The following MBD5 variants were observed in gnomAD, a reference collection of about 807,000 sequenced individuals.
The protein encoded by MBD5 is methyl-CpG-binding domain protein 5.
Under a neutral mutation model 117.3 loss-of-function variants are expected in MBD5, and 13 were observed. The ratio of observed to expected loss-of-function variants is 0.11; its 90% CI spans 0.07 to 0.18. MBD5 has a LOEUF of 0.18. Ranked by LOEUF, MBD5 falls within the 10% of genes least tolerant of loss-of-function variation. The pLI is 1.00. For missense variants in MBD5, 1,879 were observed against 2,093.8 expected (o/e 0.90, Z 2.00); for synonymous variants, 727 against 766.4 (o/e 0.95, Z 0.85).
At chr2:148,096,581 T>C (rs1696074850) in intron 1 of MBD5, among the ~76,000 whole-genome samples, 2 of 152,308 alleles carry the variant, frequency 1.3e-5, no homozygotes, top group South Asian at 2.1e-4. Flanking sequence ...CATTGTGCTT[T>C]CCTTGGCTCT....
At chr2:148,268,450 A>G (rs1020971166) in intron 3 of MBD5, among the ~76,000 whole-genome samples, 2 of 151,200 alleles carry the variant, frequency 1.3e-5, no homozygotes, top group African/African-American at 4.9e-5. Flanking sequence ...TTTTATTTTT[A>G]TTGTATACTT....
chr2:148,392,349 A>G (rs777336509), intron 4 of MBD5, among the ~76,000 whole-genome samples: 1 of 152,148 alleles, frequency 6.6e-6, no homozygotes, highest in African/African-American at 2.4e-5. Flanking sequence ...GTGTTTTTCA[A>G]TTTGTTGTGT....
Position 148,469,255 on chromosome 2 carries a change from C to G in MBD5, c.1312C>G (p.Pro438Ala). The G allele has an allele frequency of 6.2e-7, 1 of 1,613,984 alleles. No homozygotes were observed. The highest frequency in any genetic ancestry group is 8.5e-7 in the Non-Finnish European group (1 of 1,179,944). ...AGCTTCAACCTCCCTGTCCCCTTCT[C>G]CAGTGACATCCCCCGTGCACATGAT... ...HSASTSLSPS[P>A]VTSPVHMMGT... The change falls in exon 8 of 14, where the codon CCA (proline) becomes GCA (alanine). Residue 438 changes from proline (P) to alanine (A), a missense_variant. Pro to Ala is a conservative substitution (Grantham distance 27, BLOSUM62 -1). This residue lies in a region of MBD5 where 1,666 missense variants were observed against 1,792.2 expected (regional missense o/e 0.93). Transcript: ENST00000642680.
At chr2:148,381,642 A>G (rs1213807356) in intron 4 of MBD5, among the ~76,000 whole-genome samples, 1 of 152,210 alleles carries the variant, frequency 6.6e-6, no homozygotes, top group Non-Finnish European at 1.5e-5. Flanking sequence ...GAGCAACTCC[A>G]AGACACATAA....
chr2:148,434,977 C>G (rs1041556435), intron 4 of MBD5, among the ~76,000 whole-genome samples: 1 of 152,048 alleles, frequency 6.6e-6, no homozygotes, highest in African/African-American at 2.4e-5. Flanking sequence ...TGGAATTGAA[C>G]CCTTTGTCAT....
chr2:148,474,958 T>C (rs1187043097), intron 8 of MBD5, among the ~76,000 whole-genome samples: 1 of 152,154 alleles, frequency 6.6e-6, no homozygotes, highest in Non-Finnish European at 1.5e-5. Flanking sequence ...CTGTTTTTTC[T>C]AGATGAAGCT....
intron 1 of MBD5, among the ~76,000 whole-genome samples, chr2:148,139,163 G>C (rs572720919): frequency 2.6e-4 from 40 of 152,256 alleles, no homozygotes; most frequent in African/African-American, 9.4e-4. Flanking sequence ...TATTGGTCCA[G>C]AGGAAATGGT....
intron 2 of MBD5, 98 bp downstream of exon 2, chr2:148,178,891 GCTCCTGTCTAAGTTACCTCA>G (rs1246967129): frequency 1.4e-4 from 55 of 392,586 alleles, no homozygotes; most frequent in East Asian, 2.2e-4. Context: ...TTTTATCACT[GCTCCTGTCTAAGTTACCTCA>G]CAACTGCATT....
chr2:148,226,944 A>G (rs151137269), intron 2 of MBD5, among the ~76,000 whole-genome samples: 1,960 of 152,208 alleles, frequency 0.013, 36 homozygotes, highest in African/African-American at 0.044. Flanking sequence ...CCCTTGACCC[A>G]CTTTTTGATG....
intron 2 of MBD5, among the ~76,000 whole-genome samples, chr2:148,225,582 A>T (rs957723936): frequency 6.6e-6 from 1 of 152,140 alleles, no homozygotes; most frequent in African/African-American, 2.4e-5. Flanking sequence ...TTTGTTGCTT[A>T]TTAATGTCCT....
chr2:148,243,671 A>G (rs1339978382), intron 3 of MBD5: 1 of 152,096 alleles, frequency 6.6e-6, no homozygotes, highest in Non-Finnish European at 1.5e-5. Flanking sequence ...TTTCTTACCC[A>G]AGGAAAATTA....
chr2:148,287,191 T>G (rs1409138705), intron 3 of MBD5, among the ~76,000 whole-genome samples: 1 of 152,232 alleles, frequency 6.6e-6, no homozygotes, highest in Non-Finnish European at 1.5e-5. Flanking sequence ...CTTACTGGCT[T>G]TATTTGTGAT....
chr2:148,110,884 T>A (rs1483669391), intron 1 of MBD5, among the ~76,000 whole-genome samples: 1 of 152,058 alleles, frequency 6.6e-6, no homozygotes, highest in Non-Finnish European at 1.5e-5. Context: ...TTTTTATCAT[T>A]TCTCATGAAT....
chr2:148,092,250 G>A (rs533597815), intron 1 of MBD5, among the ~76,000 whole-genome samples: 212 of 152,268 alleles, frequency 1.4e-3, no homozygotes, highest in African/African-American at 4.6e-3. Context: ...GGAAAACAGC[G>A]TGGAGATTCC....
intron 3 of MBD5, among the ~76,000 whole-genome samples, chr2:148,295,283 G>A (rs913544083): frequency 6.6e-5 from 10 of 151,790 alleles, no homozygotes; most frequent in East Asian, 5.8e-4. Context: ...ATCTATCATC[G>A]TGTTCACTGA....
intron 1 of MBD5, among the ~76,000 whole-genome samples, chr2:148,175,075 A>G (rs1379653365): frequency 1.3e-5 from 2 of 152,146 alleles, no homozygotes; most frequent in African/African-American, 4.8e-5. Context: ...AAAGTAGAGT[A>G]TGGTAAAATT....
chr2:148,284,706 G>C (rs959340623), intron 3 of MBD5, among the ~76,000 whole-genome samples: 3 of 152,026 alleles, frequency 2.0e-5, no homozygotes, highest in Non-Finnish European at 2.9e-5. Context: ...CTGATGCCAG[G>C]CTCACTTGCT....
intron 1 of MBD5, among the ~76,000 whole-genome samples, chr2:148,141,125 A>G (rs1020491346): frequency 2.0e-5 from 3 of 152,186 alleles, no homozygotes; most frequent in Non-Finnish European, 4.4e-5. Context: ...TTAGCTGTAA[A>G]ATAATTTTCA....
intron 4 of MBD5, among the ~76,000 whole-genome samples, chr2:148,417,930 C>T (rs966552214): frequency 6.6e-6 from 1 of 151,964 alleles, no homozygotes; most frequent in Non-Finnish European, 1.5e-5. Flanking sequence ...ACCTCCGCCT[C>T]CTGGGCTCAA....
Sources: allele counts gnomAD v4.1 joint callset (sites outside exome capture counted in the v4.1 genomes callset), GRCh38; gene constraint gnomAD v4.1.1; regional missense constraint gnomAD v4.1.1; transcripts MANE v1.5; gene names NCBI Gene and HGNC (gene_info 2026-07-23, HGNC 2026-07-21).